Variants in PALLD observed in about 807,000 individuals in gnomAD.
The protein encoded by PALLD is palladin, cytoskeletal associated protein.
Under a neutral mutation model 123.5 loss-of-function variants are expected in PALLD, and 61 were observed. That is an observed-to-expected ratio of 0.49 (90% CI 0.40 to 0.61). The LOEUF (loss-of-function observed/expected upper bound fraction) is 0.61. Among genes scored for constraint, PALLD ranks in the 20% least tolerant of loss-of-function variants. The pLI is 0.00. For synonymous variants in PALLD, 465 were observed against 496.4 expected, an observed-to-expected ratio of 0.94 and a Z score of 0.84; for missense variants, 1,273 against 1,377.0, an observed-to-expected ratio of 0.92 and a Z score of 1.20.
At chr4:168,893,721 A>G (rs914962701) in intron 11 of PALLD, among the ~76,000 whole-genome samples, 10 of 152,330 alleles carry the variant, frequency 6.6e-5, no homozygotes, top group Admixed American at 2.6e-4. Flanking sequence ...AAGAGCAGGT[A>G]TCACCCCAAC....
intron 10 of PALLD, among the ~76,000 whole-genome samples, chr4:168,786,685 G>A (rs1340983872): frequency 6.6e-6 from 1 of 152,054 alleles, no homozygotes; most frequent in Non-Finnish European, 1.5e-5. Context: ...ATACATATAT[G>A]TTTATGAATA....
chr4:168,878,060 A>G, intron 10 of PALLD: 1 of 1,473,868 alleles, frequency 6.8e-7, no homozygotes, highest in Non-Finnish European at 8.9e-7. Context: ...CATGTCCCCG[A>G]CGCCGAGGCA....
chr4:168,602,767 A>G (rs975456052), intron 2 of PALLD, among the ~76,000 whole-genome samples: 1 of 152,106 alleles, frequency 6.6e-6, no homozygotes, highest in Non-Finnish European at 1.5e-5. Context: ...ACCAACTTGA[A>G]TATATACAGA....
At chr4:168,704,381 T>G (rs1374431846) in intron 8 of PALLD, among the ~76,000 whole-genome samples, 1 of 152,160 alleles carries the variant, frequency 6.6e-6, no homozygotes, top group Non-Finnish European at 1.5e-5. Flanking sequence ...CTTAAAAAAT[T>G]TGTATGTTGA....
At chr4:168,697,991 G>A (rs1293734644) in intron 8 of PALLD, among the ~76,000 whole-genome samples, 1 of 152,180 alleles carries the variant, frequency 6.6e-6, no homozygotes, top group African/African-American at 2.4e-5. Context: ...CAGATGCATG[G>A]CTAAAGGAAA....
chr4:168,544,517 T>C, intron 2 of PALLD, among the ~76,000 whole-genome samples: 1 of 152,230 alleles, frequency 6.6e-6, no homozygotes, highest in East Asian at 1.9e-4. Flanking sequence ...CTTGTTATTA[T>C]AAATAAATTA....
chr4:168,760,910 A>G (rs1732738574), intron 10 of PALLD, among the ~76,000 whole-genome samples: 1 of 152,174 alleles, frequency 6.6e-6, no homozygotes, highest in South Asian at 2.1e-4. Context: ...CCTTCTCAAG[A>G]AGTATGGATG....
At chr4:168,745,427 A>T (rs10010465) in intron 10 of PALLD, among the ~76,000 whole-genome samples, 3 of 91,620 alleles carry the variant, frequency 3.3e-5, no homozygotes, top group South Asian at 7.4e-4. Context: ...GTGAGATGGG[A>T]GGGGGGGGCA....
At chr4:168,625,510 T>TATATATATATATATATAGATAGATAG (rs1775169660) in intron 2 of PALLD, among the ~76,000 whole-genome samples, 1 of 65,102 alleles carries the variant, frequency 1.5e-5, no homozygotes, top group East Asian at 1.1e-3. Context: ...GAGATATATA[T>TATATATATATATATATAGATAGATAG]ATATATATCC....
At chr4:168,683,994 A>G (rs575438237) in intron 5 of PALLD, among the ~76,000 whole-genome samples, 4 of 152,252 alleles carry the variant, frequency 2.6e-5, no homozygotes, top group Non-Finnish European at 5.9e-5. Context: ...GATGGCATAT[A>G]TAGTACATAT....
intron 2 of PALLD, among the ~76,000 whole-genome samples, chr4:168,613,154 T>C (rs1170863768): frequency 6.6e-6 from 1 of 152,188 alleles, no homozygotes; most frequent in East Asian, 1.9e-4. Flanking sequence ...CTCAAATGCC[T>C]GTGTCTAGGT....
intron 10 of PALLD, chr4:168,712,302 C>A: frequency 3.4e-6 from 1 of 296,654 alleles, no homozygotes; most frequent in Non-Finnish European, 6.5e-6. Flanking sequence ...GCATTTGTTA[C>A]TTTAAATATT....
rs530248834 is a variant in PALLD, at chr4:168,755,090, A to G, written c.1964+43167A>G. 8.5e-3 allele frequency among the ~76,000 whole-genome samples: 1,289 copies of G among 152,084 alleles called. 20 individuals are homozygous for G. Among genetic ancestry groups the G allele is most frequent in the Middle Eastern group, 0.027 (8 of 294 alleles). On this transcript the variant is annotated intron_variant, in intron 10 of 21. Coordinates refer to ENST00000505667, the MANE Select transcript of PALLD (RefSeq NM_001166108.2). ...TACTAAAAATACAAAAAAATTAGCCAGGCGTGGTGGCGGGCGCCTGTAGTC... is the reference window on the plus strand; with the variant it reads ...TACTAAAAATACAAAAAAATTAGCCGGGCGTGGTGGCGGGCGCCTGTAGTC...
chr4:168,561,274 CT>C (rs1397689134), intron 2 of PALLD, among the ~76,000 whole-genome samples: 1 of 151,780 alleles, frequency 6.6e-6, no homozygotes, highest in Non-Finnish European at 1.5e-5. Flanking sequence ...TTCTCTCTCT[CT>C]TTTTGAAACA....
At chr4:168,709,515 G>A (rs181941705) in intron 9 of PALLD, among the ~76,000 whole-genome samples, 143 of 662 alleles carry the variant, frequency 0.22, 3 homozygotes, top group African/African-American at 0.32. Flanking sequence ...ATCAAGGAAG[G>A]AAGGAAGGAA....
At chr4:168,894,819 AC>A (rs1414518345) in intron 12 of PALLD, 142 bp downstream of exon 12, 2 of 1,374,968 alleles carry the variant, frequency 1.5e-6, no homozygotes, top group Non-Finnish European at 2.0e-6. Flanking sequence ...TCATCAGTCA[AC>A]CTCACAGCTA....
intron 1 of PALLD, among the ~76,000 whole-genome samples, chr4:168,505,409 G>C (rs934026268): frequency 1.3e-5 from 2 of 152,140 alleles, no homozygotes; most frequent in African/African-American, 4.8e-5. Flanking sequence ...TCAGAAGTTT[G>C]CTTTAAGCTT....
chr4:168,576,817 T>C (rs981690813), intron 2 of PALLD, among the ~76,000 whole-genome samples: 1 of 152,120 alleles, frequency 6.6e-6, no homozygotes, highest in African/African-American at 2.4e-5. Flanking sequence ...CACACTGACT[T>C]CCACAATGGT....
chr4:168,881,662 T>C (rs1336353595), intron 10 of PALLD, among the ~76,000 whole-genome samples: 1 of 152,068 alleles, frequency 6.6e-6, no homozygotes, highest in East Asian at 1.9e-4. Flanking sequence ...GATACAAATA[T>C]TAAGTTGACA....
Sources: allele counts gnomAD v4.1 joint callset (sites outside exome capture counted in the v4.1 genomes callset), GRCh38; gene constraint gnomAD v4.1.1; transcripts MANE v1.5; gene names NCBI Gene and HGNC (gene_info 2026-07-23, HGNC 2026-07-21).